FRMPD4: variants seen among roughly 807,000 people sequenced by gnomAD.
FRMPD4 encodes the protein FERM and PDZ domain containing 4, also known as FERM and PDZ domain-containing protein 4.
In FRMPD4, 22 loss-of-function variants were observed where a neutral mutation model predicts 94.1. That is an observed-to-expected ratio of 0.23 (90% CI 0.17 to 0.33). The LOEUF (loss-of-function observed/expected upper bound fraction) is 0.33, where lower values mean the gene tolerates loss of function less well. Among genes scored for constraint, FRMPD4 ranks in the 10% least tolerant of loss-of-function variants. The probability of loss-of-function intolerance (pLI) is 1.00; values close to 1 mark genes in which losing one functional copy is unlikely to be tolerated. For missense variants in FRMPD4, 1,111 were observed against 1,339.9 expected, an observed-to-expected ratio of 0.83 and a Z score of 2.67; for synonymous variants, 631 against 548.6, an observed-to-expected ratio of 1.15 and a Z score of -2.10.
At chrX:12,615,841 C>T (rs1041940859) in intron 4 of FRMPD4, among the ~76,000 whole-genome samples, 1 of 110,265 alleles carries the variant, frequency 9.1e-6, no homozygotes, top group African/African-American at 3.3e-5. Context: ...TACTTTTGCA[C>T]CAACCTAATA....
intron 1 of FRMPD4, among the ~76,000 whole-genome samples, chrX:12,236,872 T>C (rs932989074): frequency 2.7e-5 from 3 of 111,872 alleles, no homozygotes; most frequent in Non-Finnish European, 3.8e-5. Flanking sequence ...GTGATTTTGC[T>C]CCCAGGAGAA....
intron 3 of FRMPD4, among the ~76,000 whole-genome samples, chrX:11,980,345 C>A (rs770879949): frequency 9.0e-6 from 1 of 110,932 alleles, no homozygotes; most frequent in Non-Finnish European, 1.9e-5. Context: ...TATTTGTTTC[C>A]TCTCTTTATT....
intron 6 of FRMPD4, among the ~76,000 whole-genome samples, chrX:12,684,805 A>G (rs928071671): frequency 4.4e-5 from 5 of 112,547 alleles, no homozygotes; most frequent in African/African-American, 9.7e-5. Context: ...AGAAGCTGCT[A>G]CAGCAGTGTC....
intron 1 of FRMPD4, among the ~76,000 whole-genome samples, chrX:12,479,360 A>ACT (rs2057644112): frequency 9.5e-6 from 1 of 104,802 alleles, no homozygotes; most frequent in South Asian, 3.9e-4. Flanking sequence ...ATATATACAC[A>ACT]CACACACATA....
intron 4 of FRMPD4, among the ~76,000 whole-genome samples, chrX:12,624,613 G>A (rs1007673245): frequency 9.0e-6 from 1 of 111,181 alleles, no homozygotes; most frequent in African/African-American, 3.3e-5. Context: ...AGTGACAAAG[G>A]CACTACAAAA....
intron 3 of FRMPD4, among the ~76,000 whole-genome samples, chrX:11,968,009 G>T (rs1439632063): frequency 9.1e-6 from 1 of 110,239 alleles, no homozygotes; most frequent in Non-Finnish European, 1.9e-5. Flanking sequence ...ATTTTCCTGT[G>T]ATCAGCTGGG....
At chrX:12,520,149 T>C (rs1456195974) in intron 2 of FRMPD4, among the ~76,000 whole-genome samples, 1 of 112,220 alleles carries the variant, frequency 8.9e-6, no homozygotes, top group African/African-American at 3.2e-5. Context: ...GCAACCCAGA[T>C]GTCCATCAAC....
intron 2 of FRMPD4, among the ~76,000 whole-genome samples, chrX:12,548,077 T>C (rs902937300): frequency 1.8e-5 from 2 of 112,317 alleles, no homozygotes; most frequent in Admixed American, 1.9e-4. Context: ...CAGGGAAAAA[T>C]GTAAACCTTA....
intron 2 of FRMPD4, among the ~76,000 whole-genome samples, chrX:12,542,991 A>G (rs1264976657): frequency 1.1e-4 from 12 of 112,037 alleles, no homozygotes; most frequent in African/African-American, 3.9e-4. Flanking sequence ...AATGGGGAAA[A>G]GATTCCCTTT....
At chrX:12,076,615 G>A (rs2055020668) in intron 3 of FRMPD4, among the ~76,000 whole-genome samples, 1 of 110,344 alleles carries the variant, frequency 9.1e-6, no homozygotes, top group Non-Finnish European at 1.9e-5. Context: ...GGAAAGTTCT[G>A]ATTTCCCCCT....
intron 1 of FRMPD4, among the ~76,000 whole-genome samples, chrX:12,294,092 G>T (rs765552108): frequency 1.7e-4 from 19 of 110,832 alleles, no homozygotes; most frequent in Non-Finnish European, 2.8e-4. Flanking sequence ...TCATGTCCTG[G>T]TGTCTATTAT....
intron 1 of FRMPD4, among the ~76,000 whole-genome samples, chrX:12,468,968 A>G (rs934291822): frequency 8.9e-6 from 1 of 112,527 alleles, no homozygotes; most frequent in African/African-American, 3.2e-5. Flanking sequence ...ATACATTCTA[A>G]TGAACAACTG....
At chrX:11,996,774 G>T (rs2054498310) in intron 3 of FRMPD4, among the ~76,000 whole-genome samples, 1 of 111,700 alleles carries the variant, frequency 9.0e-6, no homozygotes, top group African/African-American at 3.3e-5. Flanking sequence ...GGGAAGGGAG[G>T]CAAGAGAATA....
intron 2 of FRMPD4, among the ~76,000 whole-genome samples, chrX:12,576,923 T>A (rs1359180569): frequency 8.9e-6 from 1 of 112,175 alleles, no homozygotes; most frequent in Non-Finnish European, 1.9e-5. Context: ...TCACCTGGAC[T>A]GGTCAGAGGT....
intron 1 of FRMPD4, among the ~76,000 whole-genome samples, chrX:12,479,437 C>CGT (rs1569293608): frequency 4.1e-5 from 1 of 24,662 alleles, no homozygotes; most frequent in Admixed American, 4.9e-4. Context: ...TATATATACA[C>CGT]ACATATATGT....
chrX:12,128,369 T>A (rs1441472128), intron 3 of FRMPD4, among the ~76,000 whole-genome samples: 1 of 101,968 alleles, frequency 9.8e-6, no homozygotes, highest in Admixed American at 1.2e-4. Context: ...TGGCCTGAGC[T>A]ATACCTTGAC....
At chrX:12,566,399 A>G (rs1187233412) in intron 2 of FRMPD4, among the ~76,000 whole-genome samples, 1 of 111,522 alleles carries the variant, frequency 9.0e-6, no homozygotes, top group African/African-American at 3.3e-5. Flanking sequence ...TGTTTTCTGT[A>G]TATCATTTCT....
At chrX:12,481,802 T>C (rs1191991834) in intron 1 of FRMPD4, among the ~76,000 whole-genome samples, 2 of 103,737 alleles carry the variant, frequency 1.9e-5, no homozygotes, top group Non-Finnish European at 3.9e-5. Context: ...ATTGACCGGG[T>C]GTGGTGGCGT....
At position 12,723,911 on chromosome X, in the gene FRMPD4, C is replaced by T. The variant is rs1953419175; in HGVS notation, c.*2053C>T. ...ATAAAATGAAAATCAATTATAAGAT[C>T]GATTTCCATAGGGTTGTCATGAGTT... is the stretch of plus-strand genomic sequence containing the variant. On this transcript the variant is annotated 3_prime_UTR_variant, in exon 17 of 17. Transcript: ENST00000675598. 9.0e-6 allele frequency: 1 copy of T among 111,340 alleles called. No homozygotes were observed. Among genetic ancestry groups the T allele is most frequent in the Non-Finnish European group, 1.9e-5 (1 of 53,081 alleles). The allele number at this position is 111,340 out of a possible 1,213,427, so 9.2% of individuals were successfully genotyped here.
Sources: gnomAD v4.1 joint callset for allele counts (sites outside exome capture counted in the v4.1 genomes callset) on GRCh38, gnomAD v4.1.1 for gene constraint, MANE v1.5 for transcripts, NCBI Gene and HGNC (gene_info 2026-07-23, HGNC 2026-07-21) for gene names.